The following SNTG2 variants were observed in gnomAD, a reference collection of about 807,000 sequenced individuals.
SNTG2 encodes the protein syntrophin gamma 2.
Under a neutral mutation model 70.9 loss-of-function variants are expected in SNTG2, and 74 were observed. The observed-to-expected ratio is 1.04, with a 90% CI of 0.86 to 1.27. The LOEUF is 1.27. Ranked by LOEUF, SNTG2 falls within the 50% of genes most tolerant of loss-of-function variation. The probability of loss-of-function intolerance (pLI) is 0.00; values close to 1 mark genes in which losing one functional copy is unlikely to be tolerated. For missense variants in SNTG2, 717 were observed against 690.7 expected (o/e 1.04, Z -0.43); for synonymous variants, 278 against 273.8 (o/e 1.02, Z -0.15).
At chr2:1,096,022 C>A (rs181880240) in intron 2 of SNTG2, among the ~76,000 whole-genome samples, 5 of 152,160 alleles carry the variant, frequency 3.3e-5, no homozygotes, top group Admixed American at 2.0e-4. Context: ...ATGAACCCCC[C>A]CTTGGTTCTG....
At chr2:1,293,043 A>G (rs993892098) in intron 14 of SNTG2, among the ~76,000 whole-genome samples, 2 of 151,510 alleles carry the variant, frequency 1.3e-5, no homozygotes, top group Non-Finnish European at 2.9e-5. Context: ...GTTTGTTCAC[A>G]TTTTCTATTT....
intron 16 of SNTG2, among the ~76,000 whole-genome samples, chr2:1,325,673 C>CT (rs35781388): frequency 6.6e-6 from 1 of 152,080 alleles, no homozygotes; most frequent in East Asian, 1.9e-4. Context: ...GTTGATTATG[C>CT]TTTTTTAGAA....
At chr2:1,076,237 T>TA (rs1663905901) in intron 1 of SNTG2, among the ~76,000 whole-genome samples, 1 of 152,232 alleles carries the variant, frequency 6.6e-6, no homozygotes, top group Non-Finnish European at 1.5e-5. Context: ...AAGCACTTCT[T>TA]ACAGCTCCCT....
At chr2:1,081,454 A>T (rs1212367659) in intron 1 of SNTG2, among the ~76,000 whole-genome samples, 2 of 152,192 alleles carry the variant, frequency 1.3e-5, no homozygotes, top group Middle Eastern at 3.2e-3. Flanking sequence ...CTCATGGGGA[A>T]ATACTGAGGA....
intron 16 of SNTG2, among the ~76,000 whole-genome samples, chr2:1,327,398 C>T (rs537111707): frequency 1.1e-4 from 17 of 152,110 alleles, no homozygotes; most frequent in African/African-American, 2.9e-4. Flanking sequence ...CTGATATGTT[C>T]GATGAATATC....
intron 1 of SNTG2, among the ~76,000 whole-genome samples, chr2:1,051,795 AC>A (rs1379293918): frequency 2.6e-5 from 4 of 152,078 alleles, no homozygotes; most frequent in Non-Finnish European, 5.9e-5. Context: ...AGACGGCAGC[AC>A]CCCCAGCAGC....
At chr2:1,340,060 C>G (rs1303924493) in intron 16 of SNTG2, among the ~76,000 whole-genome samples, 1 of 152,256 alleles carries the variant, frequency 6.6e-6, no homozygotes, top group Non-Finnish European at 1.5e-5. Flanking sequence ...CACCGAGGCA[C>G]TCGCCTCCCT....
At position 965,110 on chromosome 2, in the gene SNTG2, A is replaced by T. The variant is rs796498585; in HGVS notation, c.72+14042A>T. ...TCTGGACTCCAGTTCTCCTCCTTGG[A>T]CCCCAGTCCTCCTCCTTGGACCCCA... On this transcript the variant is annotated intron_variant, in intron 1 of 16. Transcript: ENST00000308624. Among the ~76,000 whole-genome samples, 199 of 138,874 alleles carry T rather than the reference A, an allele frequency of 1.4e-3. 7 individuals carry two copies. The East Asian group carries it at 0.033, about 23-fold the overall frequency. 91.1% of individuals were successfully genotyped at this position (138,874 alleles called of 152,430 possible).
chr2:1,262,665 T>C (rs1053741150), intron 13 of SNTG2, among the ~76,000 whole-genome samples: 1 of 151,712 alleles, frequency 6.6e-6, no homozygotes, highest in Admixed American at 6.6e-5. Context: ...ACCGGAAGGC[T>C]CAGTCCAGAC....
chr2:957,793 A>T (rs1307990567), intron 1 of SNTG2, among the ~76,000 whole-genome samples: 1 of 152,146 alleles, frequency 6.6e-6, no homozygotes, highest in Non-Finnish European at 1.5e-5. Flanking sequence ...TAGAGGAGGC[A>T]GGAAGGAGGC....
chr2:1,322,816 G>A (rs1031711394), intron 16 of SNTG2, among the ~76,000 whole-genome samples: 7 of 152,090 alleles, frequency 4.6e-5, no homozygotes, highest in African/African-American at 1.7e-4. Context: ...GGGAACCTGG[G>A]AAGGGCCCCT....
At chr2:1,162,042 C>A (rs1670338555) in intron 6 of SNTG2, among the ~76,000 whole-genome samples, 2 of 134,518 alleles carry the variant, frequency 1.5e-5, no homozygotes, top group Admixed American at 9.4e-5. Flanking sequence ...CCACTGCACT[C>A]CAGCCTGGGC....
chr2:1,207,354 G>A (rs559083185), intron 8 of SNTG2, among the ~76,000 whole-genome samples: 1 of 152,192 alleles, frequency 6.6e-6, no homozygotes, highest in African/African-American at 2.4e-5. Context: ...ATTGGCCATG[G>A]AATTAATAAA....
At chr2:1,339,961 G>A (rs1455835514) in intron 16 of SNTG2, among the ~76,000 whole-genome samples, 1 of 152,180 alleles carries the variant, frequency 6.6e-6, no homozygotes, top group African/African-American at 2.4e-5. Context: ...CTCACTGGCC[G>A]CATCGAACTG....
At chr2:976,748 T>G (rs1027071272) in intron 1 of SNTG2, among the ~76,000 whole-genome samples, 1 of 152,162 alleles carries the variant, frequency 6.6e-6, no homozygotes, top group African/African-American at 2.4e-5. Context: ...CCTCTGCCCC[T>G]CTGAGCTCCT....
chr2:1,149,201 G>T (rs549689786), intron 6 of SNTG2, among the ~76,000 whole-genome samples: 1 of 41,718 alleles, frequency 2.4e-5, no homozygotes, highest in South Asian at 5.2e-4. Flanking sequence ...ACGTGTGTGT[G>T]TGTGTGTGAG....
chr2:1,039,952 G>A (rs1282088606), intron 1 of SNTG2, among the ~76,000 whole-genome samples: 1 of 152,112 alleles, frequency 6.6e-6, no homozygotes, highest in Non-Finnish European at 1.5e-5. Context: ...CTGAGCAGAT[G>A]GGACACTCTG....
chr2:1,195,584 G>A (rs1672859626), intron 8 of SNTG2, among the ~76,000 whole-genome samples: 1 of 152,050 alleles, frequency 6.6e-6, no homozygotes, highest in Non-Finnish European at 1.5e-5. Flanking sequence ...GTTTTTTCTT[G>A]TAAATCTGTT....
intron 14 of SNTG2, among the ~76,000 whole-genome samples, chr2:1,270,034 A>T (rs556625746): frequency 2.6e-5 from 4 of 152,220 alleles, no homozygotes; most frequent in African/African-American, 9.6e-5. Flanking sequence ...GCCCTCAAAG[A>T]AGCCCCGGGT....
Sources: allele counts gnomAD v4.1 joint callset (sites outside exome capture counted in the v4.1 genomes callset), GRCh38; gene constraint gnomAD v4.1.1; transcripts MANE v1.5; gene names NCBI Gene and HGNC (gene_info 2026-07-23, HGNC 2026-07-21).